The following REL variants were observed in gnomAD, a reference collection of about 807,000 sequenced individuals.
The protein encoded by REL is REL proto-oncogene, NF-kB subunit.
In REL, 15 loss-of-function variants were observed where a neutral mutation model predicts 45.9. The ratio of observed to expected loss-of-function variants is 0.33; its 90% confidence interval spans 0.22 to 0.50. REL has a LOEUF of 0.50. Ranked by LOEUF, REL falls within the 20% of genes least tolerant of loss-of-function variation. The pLI is 0.98. For missense variants in REL, 601 were observed against 715.2 expected (o/e 0.84, Z 1.82); for synonymous variants, 239 against 242.1 (o/e 0.99, Z 0.12).
At position 60,924,110 on chromosome 2, in the gene REL, G is replaced by A. The variant is rs1674212162; in HGVS notation, c.*1575G>A. 1.3e-5 allele frequency: 3 copies of A among 231,352 alleles called. No homozygotes were observed. The highest frequency in any genetic ancestry group is 1.7e-5 in the Non-Finnish European group (2 of 116,846). The allele number at this position is 231,352 out of a possible 1,614,324, so 14.3% of individuals were successfully genotyped here. On this transcript the variant is annotated 3_prime_UTR_variant, in exon 10 of 10. Coordinates refer to ENST00000394479, the MANE Select transcript of REL (RefSeq NM_001291746.2). ...TTGAATGTTGTTCTCCCAGAAAAATGCATAGTTCACTCTTACATCCTTCAG... is the reference window on the plus strand; with the variant it reads ...TTGAATGTTGTTCTCCCAGAAAAATACATAGTTCACTCTTACATCCTTCAG...
rs1436595726 is a variant in REL at position 60,922,544 on chromosome 2, A to G, written c.*9A>G. On this transcript the variant is annotated 3_prime_UTR_variant, in exon 10 of 10. Coordinates refer to ENST00000394479, the MANE Select transcript of REL (RefSeq NM_001291746.2). ...AATTTTTTCAAGTATAACTTGCAAG[A>G]TTTAAATCCTTTTAAATCTTGATAC... The G allele has an allele frequency of 5.0e-6, 8 of 1,585,818 alleles. No individual in the cohort carries two copies. The highest frequency in any genetic ancestry group is 6.9e-6 in the Non-Finnish European group (8 of 1,167,868).
intron 1 of REL, among the ~76,000 whole-genome samples, chr2:60,888,573 C>G (rs1435966465): frequency 6.6e-6 from 1 of 152,148 alleles, no homozygotes; most frequent in African/African-American, 2.4e-5. Flanking sequence ...TACTCATCTG[C>G]ATATCTTATG....
intron 1 of REL, 91 bp from the exon 2 acceptor site, chr2:60,891,592 G>C (rs1364596971): frequency 1.8e-6 from 2 of 1,133,812 alleles, no homozygotes; most frequent in Admixed American, 2.9e-5. Flanking sequence ...CTTTGTTTTA[G>C]TCTGCTGTTA....
intron 1 of REL, among the ~76,000 whole-genome samples, chr2:60,889,380 A>G (rs956015631): frequency 6.6e-6 from 1 of 152,208 alleles, no homozygotes; most frequent in South Asian, 2.1e-4. Context: ...AAGGTCCTTT[A>G]GAGTGACAGT....
At chr2:60,892,749 TA>T (rs1231744242) in intron 2 of REL, among the ~76,000 whole-genome samples, 1 of 151,506 alleles carries the variant, frequency 6.6e-6, no homozygotes, top group African/African-American at 2.4e-5. Context: ...TAAATTTATT[TA>T]TTTTTTTATT....
At chr2:60,893,361 G>A (rs1177066752) in intron 2 of REL, among the ~76,000 whole-genome samples, 2 of 152,126 alleles carry the variant, frequency 1.3e-5, no homozygotes, top group African/African-American at 2.4e-5. Flanking sequence ...ATTTTTGGCA[G>A]TAATATGGAT....
chr2:60,907,120 A>C (rs573688324), intron 4 of REL, among the ~76,000 whole-genome samples: 43 of 151,098 alleles, frequency 2.8e-4, no homozygotes, highest in Non-Finnish European at 5.3e-4. Context: ...ATGGGGTTTC[A>C]CCATGGCCAG....
At chr2:60,901,520 T>C (rs957020995) in intron 4 of REL, among the ~76,000 whole-genome samples, 1 of 152,246 alleles carries the variant, frequency 6.6e-6, no homozygotes, top group African/African-American at 2.4e-5. Flanking sequence ...TGTTGACATG[T>C]ACCTGTATCT....
At position 60,893,419 on chromosome 2, in the gene REL, A is replaced by G. The variant is rs146646098; in HGVS notation, c.154-978A>G. Among the ~76,000 whole-genome samples, 33 of 152,324 alleles carry G rather than the reference A, an allele frequency of 2.2e-4. No homozygotes were observed. In the East Asian group the frequency reaches 5.8e-3, roughly 27 times the overall value. On this transcript the variant is annotated intron_variant, in intron 2 of 9. Transcript: ENST00000394479. ...ATGTTAAAATGGATGAGATGCTAAT[A>G]AAAAGGAAATAAGGAAATACTATTT...
chr2:60,892,067 A>AC (rs1673229272), intron 2 of REL, among the ~76,000 whole-genome samples: 1 of 152,268 alleles, frequency 6.6e-6, no homozygotes, highest in South Asian at 2.1e-4. Flanking sequence ...CTTGTGTATT[A>AC]ACCTAAGTAG....
At chr2:60,890,204 G>T (rs1346545021) in intron 1 of REL, among the ~76,000 whole-genome samples, 1 of 152,206 alleles carries the variant, frequency 6.6e-6, no homozygotes, top group South Asian at 2.1e-4. Flanking sequence ...GGCCAGTGAT[G>T]ATGAGCATTT....
chr2:60,890,481 T>C lies in REL; in HGVS notation c.11-1202T>C, dbSNP rs150573812. On this transcript the variant is annotated intron_variant, in intron 1 of 9. Transcript: ENST00000394479. ...CCACTGTGTTACCATTTCTCAGGAT[T>C]GCTTGCGTTCTAACAGGATAAGCCT... is the stretch of plus-strand genomic sequence containing the variant. 1.3e-3 allele frequency among the ~76,000 whole-genome samples: 197 copies of C among 152,312 alleles called. 2 individuals carry two copies. The highest frequency in any genetic ancestry group is 7.1e-3 in the East Asian group (37 of 5,184).
intron 1 of REL, among the ~76,000 whole-genome samples, chr2:60,883,087 G>C (rs1405556003): frequency 6.6e-6 from 1 of 152,102 alleles, no homozygotes; most frequent in Non-Finnish European, 1.5e-5. Context: ...ACACTTTCCA[G>C]ACAGAGGAAG....
chr2:60,890,266 A>G (rs1223652963), intron 1 of REL, among the ~76,000 whole-genome samples: 2 of 152,240 alleles, frequency 1.3e-5, no homozygotes, highest in Non-Finnish European at 2.9e-5. Flanking sequence ...ACACTTCGTA[A>G]GAATTTAGCA....
At chr2:60,914,583 T>C (rs1312079813) in intron 4 of REL, among the ~76,000 whole-genome samples, 2 of 152,212 alleles carry the variant, frequency 1.3e-5, no homozygotes, top group Non-Finnish European at 2.9e-5. Context: ...TATGTCCTGC[T>C]ACATAACCAC....
At chr2:60,913,698 C>A (rs933663578) in intron 4 of REL, among the ~76,000 whole-genome samples, 1 of 152,192 alleles carries the variant, frequency 6.6e-6, no homozygotes, top group Non-Finnish European at 1.5e-5. Flanking sequence ...AAAGTGGCCT[C>A]TCATTCTGAA....
At chr2:60,903,359 G>C (rs1210502623) in intron 4 of REL, among the ~76,000 whole-genome samples, 3 of 152,098 alleles carry the variant, frequency 2.0e-5, no homozygotes, top group Non-Finnish European at 4.4e-5. Context: ...TGCTGTCTGT[G>C]GAATTTCTTT....
Position 60,916,953 on chromosome 2 carries a change from T to G in REL, c.471T>G (p.Pro157=). 1 of 1,613,492 alleles carries G rather than the reference T, an allele frequency of 6.2e-7. No individual in the cohort carries two copies. The highest frequency in any genetic ancestry group is 1.7e-5 in the Admixed American group (1 of 60,022). Residue 157 remains proline (P), a synonymous_variant, in exon 5 of 10, where the codon CCT becomes CCG. Transcript: ENST00000394479. The part of the protein sequence containing the change: ...VVRLCFQVFL[P]DEHGNLTTAL... The stretch of plus-strand genomic sequence containing the variant: ...GACTGTGTTTTCAAGTTTTTCTCCC[T>G]GATGAACATGGTAATTTGACGACTG...
chr2:60,907,715 G>C (rs1673701366), intron 4 of REL, among the ~76,000 whole-genome samples: 6 of 151,020 alleles, frequency 4.0e-5, no homozygotes, highest in Admixed American at 2.6e-4. Context: ...TTTTTTTACG[G>C]AGTCTCGCTC....
Sources: allele counts gnomAD v4.1 joint callset (sites outside exome capture counted in the v4.1 genomes callset), GRCh38; gene constraint gnomAD v4.1.1; transcripts MANE v1.5; gene names NCBI Gene and HGNC (gene_info 2026-07-23, HGNC 2026-07-21).